SLC43A3: variants seen among roughly 807,000 people sequenced by gnomAD.
The protein encoded by SLC43A3 is equilibrative nucleobase transporter 1.
A neutral mutation model predicts 53.3 loss-of-function variants in SLC43A3; 33 were observed. That is an observed-to-expected ratio of 0.62 (90% CI 0.47 to 0.83). SLC43A3 has a LOEUF of 0.83. Ranked by LOEUF, SLC43A3 falls within the 40% of genes least tolerant of loss-of-function variation. The pLI is 0.00. For missense variants in SLC43A3, 530 were observed against 610.0 expected (o/e 0.87, Z 1.38); for synonymous variants, 236 against 246.2 (o/e 0.96, Z 0.39).
At position 57,407,579 on chromosome 11, in the gene SLC43A3, C is replaced by A; in HGVS notation, c.*213G>T. On this transcript the variant is annotated 3_prime_UTR_variant, in exon 14 of 14. Transcript: ENST00000395124. ...TTTTGAAATAAAGAAGTTCCACATGCCTTTGCTTTGAGTCTGTGTGATATC... is the reference window on the plus strand; with the variant it reads ...TTTTGAAATAAAGAAGTTCCACATGACTTTGCTTTGAGTCTGTGTGATATC... The A allele has an allele frequency of 3.8e-6, 2 of 520,156 alleles. No individual in the cohort carries two copies. The highest frequency in any genetic ancestry group is 3.2e-5 in the East Asian group (1 of 31,498). The allele number at this position is 520,156 out of a possible 1,614,324, so 32.2% of individuals were successfully genotyped here.
chr11:57,410,750 T>C (rs190179263), intron 11 of SLC43A3, among the ~76,000 whole-genome samples: 1 of 152,338 alleles, frequency 6.6e-6, no homozygotes, highest in Non-Finnish European at 1.5e-5. Flanking sequence ...CGTTGAATTA[T>C]ATCTCCCAGA....
chr11:57,418,174 A>T (rs566706285), intron 7 of SLC43A3, among the ~76,000 whole-genome samples: 2 of 152,116 alleles, frequency 1.3e-5, no homozygotes, highest in Non-Finnish European at 2.9e-5. Context: ...TCTCTAGAAA[A>T]TTTTTATTTA....
chr11:57,409,399 C>T, intron 12 of SLC43A3, 101 bp from the exon 13 acceptor site: 1 of 1,392,720 alleles, frequency 7.2e-7, no homozygotes. Context: ...CCCCAGCTCC[C>T]CTGTCCTAGG....
At position 57,425,979 on chromosome 11, in the gene SLC43A3, C is replaced by T; in HGVS notation, c.184+10G>A. ...CTTAACTTCCTTAGAAAAGTCATCCCTGCCCTTACCAGCCTGCCCTGTGGC... is the reference window on the plus strand; with the variant it reads ...CTTAACTTCCTTAGAAAAGTCATCCTTGCCCTTACCAGCCTGCCCTGTGGC... On this transcript the variant is annotated intron_variant, in intron 3 of 13. Coordinates refer to ENST00000395124, the MANE Select transcript of SLC43A3 (RefSeq NM_199329.3). The T allele has an allele frequency of 3.1e-6, 5 of 1,612,364 alleles. No individual in the cohort carries two copies. Among genetic ancestry groups the T allele is most frequent in the African/African-American group, 1.3e-5 (1 of 75,046 alleles).
intron 8 of SLC43A3, among the ~76,000 whole-genome samples, chr11:57,417,534 A>G (rs115745390): frequency 1.6e-3 from 245 of 152,390 alleles, no homozygotes; most frequent in African/African-American, 5.6e-3. Flanking sequence ...GGCCCTGATC[A>G]GCGGAACTAG....
intron 11 of SLC43A3, among the ~76,000 whole-genome samples, chr11:57,411,437 G>C (rs114011945): frequency 0.013 from 1,468 of 116,950 alleles, 27 homozygotes; most frequent in African/African-American, 0.047. Context: ...TCAGGAGTTA[G>C]ACATCAGCCT....
intron 4 of SLC43A3, among the ~76,000 whole-genome samples, chr11:57,424,959 C>G (rs373528914): frequency 5.3e-5 from 8 of 152,224 alleles, no homozygotes; most frequent in South Asian, 4.1e-4. Context: ...GATCACGTCC[C>G]GAACCTTCTG....
chr11:57,422,687 C>T (rs1242256876), intron 5 of SLC43A3, among the ~76,000 whole-genome samples: 1 of 152,060 alleles, frequency 6.6e-6, no homozygotes, highest in Non-Finnish European at 1.5e-5. Context: ...ACTGAAAAGC[C>T]CTATATTATG....
chr11:57,422,027 A>G (rs1943010996), intron 5 of SLC43A3, among the ~76,000 whole-genome samples: 1 of 152,228 alleles, frequency 6.6e-6, no homozygotes, highest in South Asian at 2.1e-4. Flanking sequence ...GTGTGAGACC[A>G]CAGCAAAAAA....
At chr11:57,412,892 C>T (rs1169620687) in intron 11 of SLC43A3, among the ~76,000 whole-genome samples, 1 of 151,802 alleles carries the variant, frequency 6.6e-6, no homozygotes, top group East Asian at 1.9e-4. Flanking sequence ...TTAATGGCTC[C>T]TAAAATCACT....
At chr11:57,409,141 T>G (rs762402264) in intron 13 of SLC43A3, 34 bp downstream of exon 13, 5 of 1,613,036 alleles carry the variant, frequency 3.1e-6, no homozygotes, top group Non-Finnish European at 4.2e-6. Flanking sequence ...GGCCCAGGCC[T>G]CCTGCCAGGG....
intron 5 of SLC43A3, among the ~76,000 whole-genome samples, 172 bp from the exon 6 acceptor site, chr11:57,421,545 C>T (rs1942989767): frequency 6.6e-6 from 1 of 152,156 alleles, no homozygotes; most frequent in Non-Finnish European, 1.5e-5. Context: ...CAAGGCTTCC[C>T]CAGATATCTC....
At chr11:57,426,750 A>G (rs1943213385) in intron 1 of SLC43A3, 98 bp from the exon 2 acceptor site, 1 of 152,858 alleles carries the variant, frequency 6.5e-6, no homozygotes, top group African/African-American at 2.4e-5. Context: ...TCTTCAGTTT[A>G]CTGACAATGA....
chr11:57,421,138 G>T, intron 6 of SLC43A3, 74 bp from the exon 7 acceptor site: 1 of 1,309,666 alleles, frequency 7.6e-7, no homozygotes, highest in Non-Finnish European at 1.1e-6. Context: ...CCAGCATGTG[G>T]CAGACCCTCC....
At chr11:57,412,262 T>C (rs1381141349) in intron 11 of SLC43A3, among the ~76,000 whole-genome samples, 1 of 152,174 alleles carries the variant, frequency 6.6e-6, no homozygotes, top group Non-Finnish European at 1.5e-5. Context: ...TGGTAAAGTT[T>C]TCAATGGCCA....
At chr11:57,413,938 C>A (rs921406970) in intron 11 of SLC43A3, among the ~76,000 whole-genome samples, 1 of 152,214 alleles carries the variant, frequency 6.6e-6, no homozygotes, top group East Asian at 1.9e-4. Flanking sequence ...GCCATTCCCT[C>A]CAGGAAGCCT....
At chr11:57,426,412 C>CT (rs1481988351) in intron 2 of SLC43A3, 60 bp from the exon 3 acceptor site, 2 of 546,056 alleles carry the variant, frequency 3.7e-6, no homozygotes, top group Non-Finnish European at 6.5e-6. Flanking sequence ...GAAAGGTAGA[C>CT]TAGAGTTATT....
intron 3 of SLC43A3, 35 bp from the exon 4 acceptor site, chr11:57,425,705 C>T: frequency 6.2e-7 from 1 of 1,612,092 alleles, no homozygotes; most frequent in Non-Finnish European, 8.5e-7. Context: ...TGCATCCCAG[C>T]CTTCCTGCCA....
At chr11:57,415,188 C>T (rs944066199) in intron 9 of SLC43A3, 82 bp from the exon 10 acceptor site, 10 of 1,575,704 alleles carry the variant, frequency 6.3e-6, no homozygotes, top group Non-Finnish European at 6.9e-6. Context: ...TTCAATGGAA[C>T]ATTTCAGATC....
Sources: gnomAD v4.1 joint callset for allele counts (sites outside exome capture counted in the v4.1 genomes callset) on GRCh38, gnomAD v4.1.1 for gene constraint, MANE v1.5 for transcripts, NCBI Gene and HGNC (gene_info 2026-07-23, HGNC 2026-07-21) for gene names.